Variants in MYL5 observed in about 807,000 individuals in gnomAD.
MYL5 encodes myosin light chain 5, also known as myosin regulatory light chain 5.
A neutral mutation model predicts 20.8 loss-of-function variants in MYL5; 28 were observed. The observed-to-expected ratio is 1.35, with a 90% CI of 1.00 to 1.84. MYL5 has a LOEUF of 1.84. Ranked by LOEUF, MYL5 falls within the 40% of genes most tolerant of loss-of-function variation. MYL5 has a pLI of 0.00. For missense variants in MYL5, 274 were observed against 227.3 expected (o/e 1.21, Z -1.32); for synonymous variants, 118 against 87.4 (o/e 1.35, Z -1.95).
chr4:676,486 G>T (rs1358031909), upstream of MYL5: 1 of 152,264 alleles, frequency 6.6e-6, no homozygotes, highest in African/African-American at 2.4e-5. Flanking sequence ...GGTCCCACCT[G>T]GCTCAGCACA....
chr4:681,227 G>A (rs1739458617), intron 6 of MYL5, 87 bp downstream of exon 8: 2 of 1,491,800 alleles, frequency 1.3e-6, no homozygotes, highest in Non-Finnish European at 1.8e-6. Context: ...CGGAGCCCGA[G>A]GAGCAGCGCC....
chr4:680,076 C>T (rs186671493), intron 4 of MYL5, 58 bp downstream of exon 6: 13 of 1,387,468 alleles, frequency 9.4e-6, no homozygotes, highest in South Asian at 7.7e-5. Flanking sequence ...GTTAGAGATC[C>T]GGACATTTCA....
intron 6 of MYL5, among the ~76,000 whole-genome samples, chr4:681,637 GCCGCCCCGCCCCCTC>G (rs1739594996): frequency 6.4e-4 from 14 of 21,834 alleles, no homozygotes; most frequent in South Asian, 2.6e-3. Context: ...CCCCTCCAGC[GCCGCCCCGCCCCCTC>G]CAGCGCCGCC....
upstream of MYL5, chr4:676,904 C>A (rs986939568): frequency 1.0e-6 from 1 of 985,386 alleles, no homozygotes; most frequent in Non-Finnish European, 1.2e-6. Context: ...TTCATAGAGG[C>A]CGCTGGACCT....
intron 4 of MYL5, 77 bp from the exon 7 acceptor site, chr4:680,432 C>A: frequency 7.0e-7 from 1 of 1,431,514 alleles, no homozygotes; most frequent in Non-Finnish European, 9.8e-7. Context: ...GCAGGGGTCT[C>A]CCCTCCTGCC....
intron 4 of MYL5, 77 bp downstream of exon 6, chr4:680,095 T>C: frequency 6.7e-6 from 9 of 1,347,604 alleles, no homozygotes; most frequent in Non-Finnish European, 6.1e-6. Flanking sequence ...CACGTAAAAA[T>C]CTCTCTTTTC....
chr4:681,230 G>C lies in MYL5; in HGVS notation c.420+90G>C, dbSNP rs539226601. ...TGGAGGGGGACGCGGAGCCCGAGGA[G>C]CAGCGCCGCGGTTAGGACCCAGGAC... On this transcript the variant is annotated intron_variant, in intron 6 of 6. Coordinates refer to ENST00000400159, the Ensembl canonical transcript of MYL5. The C allele has an allele frequency of 2.8e-5, 42 of 1,478,564 alleles. No individual in the cohort carries two copies. In the African/African-American group the frequency reaches 4.9e-4, roughly 17 times the overall value. 91.6% of individuals were successfully genotyped at this position (1,478,564 alleles called of 1,614,324 possible). A position where few individuals can be genotyped will look rare whatever the true frequency, so the allele number is the denominator to read the frequency against.
intron 6 of MYL5, 187 bp from the exon 9 acceptor site, chr4:681,706 C>T (rs1428702681): frequency 5.0e-5 from 4 of 80,788 alleles, no homozygotes; most frequent in African/African-American, 1.7e-4. Flanking sequence ...CGCCGCCCCG[C>T]CCCCTCCAGC....
chr4:676,161 A>G (rs1738817416), upstream of MYL5: 1 of 152,248 alleles, frequency 6.6e-6, no homozygotes, highest in African/African-American at 2.4e-5. Flanking sequence ...GCACAGAACC[A>G]TCTTGGCCCT....
intron 3 of MYL5, 62 bp from the exon 6 acceptor site, chr4:679,852 C>T: frequency 6.9e-7 from 1 of 1,456,510 alleles, no homozygotes; most frequent in South Asian, 1.1e-5. Flanking sequence ...GCTGGGGTCA[C>T]CTGCTGGTGG....
chr4:681,649 C>T (rs1230999772), intron 6 of MYL5, among the ~76,000 whole-genome samples: 1 of 60,398 alleles, frequency 1.7e-5, no homozygotes, highest in African/African-American at 6.9e-5. Flanking sequence ...CGCCCCGCCC[C>T]CTCCAGCGCC....
At chr4:681,998 C>T in exon 7 of MYL5, 2 of 1,418,390 alleles carry the variant, frequency 1.4e-6, no homozygotes, top group Non-Finnish European at 1.9e-6. Context: ...GGAGTGAGAC[C>T]CAGCCGGGTC....
chr4:677,970 TA>T, exon 1 of MYL5: 1 of 1,613,040 alleles, frequency 6.2e-7, no homozygotes, highest in Non-Finnish European at 8.5e-7. Flanking sequence ...AGCAGGAGCT[TA>T]AGATGGGCAA....
chr4:680,878 C>T, intron 5 of MYL5: 1 of 649,334 alleles, frequency 1.5e-6, no homozygotes, highest in East Asian at 2.7e-5. Flanking sequence ...GGCCTGTAAC[C>T]TCCTTCCGGC....
intron 4 of MYL5, 114 bp from the exon 7 acceptor site, chr4:680,395 G>C: frequency 8.9e-7 from 1 of 1,118,174 alleles, no homozygotes; most frequent in Non-Finnish European, 1.3e-6. Flanking sequence ...CTTGTGGGCA[G>C]AGGCTTGGAG....
chr4:681,289 G>A, intron 6 of MYL5, 149 bp downstream of exon 8: 1 of 911,020 alleles, frequency 1.1e-6, no homozygotes. Flanking sequence ...CGAAGTGCCC[G>A]TCTGAGGGAC....
At chr4:681,603 C>G (rs960374260) in intron 6 of MYL5, among the ~76,000 whole-genome samples, 1 of 131,540 alleles carries the variant, frequency 7.6e-6, no homozygotes, top group Non-Finnish European at 1.7e-5. Context: ...CGCCGCCGCC[C>G]CGCCCCCTCC....
upstream of MYL5, chr4:677,887 A>T: frequency 6.9e-7 from 1 of 1,446,432 alleles, no homozygotes; most frequent in Non-Finnish European, 9.7e-7. Context: ...GCAGCTGTCC[A>T]GTCCCCTGGG....
intron 1 of MYL5, 137 bp downstream of exon 3, chr4:678,166 ATATG>A (rs1739043242): frequency 6.5e-7 from 1 of 1,543,000 alleles, no homozygotes; most frequent in South Asian, 1.2e-5. Flanking sequence ...CTCTGCCTGC[ATATG>A]TGTGTGCATG....
Sources: gnomAD v4.1 joint callset for allele counts (sites outside exome capture counted in the v4.1 genomes callset) on GRCh38, gnomAD v4.1.1 for gene constraint, MANE v1.5 for transcripts, NCBI Gene and HGNC (gene_info 2026-07-23, HGNC 2026-07-21) for gene names.